The following TYMP variants were observed in gnomAD, a reference collection of about 807,000 sequenced individuals.
TYMP encodes thymidine phosphorylase.
TYMP carries 46 observed loss-of-function variants against 42.3 expected under a neutral mutation model. The observed-to-expected ratio is 1.09, with a 90% CI of 0.86 to 1.39. The LOEUF (loss-of-function observed/expected upper bound fraction) is 1.39, where lower values mean the gene tolerates loss of function less well. Among genes scored for constraint, TYMP ranks in the 40% most tolerant of loss-of-function variants. The pLI is 0.00. For missense variants in TYMP, 837 were observed against 677.6 expected, an observed-to-expected ratio of 1.24 and a Z score of -2.61; for synonymous variants, 363 against 308.0, an observed-to-expected ratio of 1.18 and a Z score of -1.87.
At chr22:50,527,111 G>A (rs1046427158) in intron 6 of TYMP, 54 bp downstream of exon 6, 4 of 1,421,080 alleles carry the variant, frequency 2.8e-6, no homozygotes, top group Non-Finnish European at 4.0e-6. Context: ...AGGGGTGAAG[G>A]GTAGGCTGGG....
rs1405480505 is a variant in TYMP, at chr22:50,528,556, G to C, written c.472C>G (p.Leu158Val). Residue 158 changes from leucine (L) to valine (V), a missense_variant, in exon 4 of 10, where the codon CTG becomes GTG. By Grantham distance (32) the Leu-to-Val change is conservative. Coordinates refer to ENST00000252029, the MANE Select transcript of TYMP (RefSeq NM_001953.5). Reference sequence around the variant, plus strand: ...ACATTGAATCCAGGAATAGACTCCAGCTTATCCAAGGTGCCTCCTGTGTGC... The same window carrying C: ...ACATTGAATCCAGGAATAGACTCCACCTTATCCAAGGTGCCTCCTGTGTGC... ...LGHTGGTLDK[L>V]ESIPGFNVIQ... The C allele has an allele frequency of 6.2e-7, 1 of 1,613,960 alleles. No individual in the cohort carries two copies. Among genetic ancestry groups the C allele is most frequent in the Non-Finnish European group, 8.5e-7 (1 of 1,179,994 alleles).
chr22:50,529,618 G>A lies in TYMP; in HGVS notation c.92C>T (p.Pro31Leu), dbSNP rs1455974755. Residue 31 changes from proline to leucine, a missense_variant, in exon 2 of 10, where the codon CCA becomes CTA. Pro to Leu is a moderately conservative substitution (Grantham distance 98, BLOSUM62 -3). Coordinates refer to ENST00000252029, the MANE Select transcript of TYMP (RefSeq NM_001953.5). ...CAGCTCCGGGAGCTGCTTGGGCTCT[G>A]GCGAAGGGTCGGGAAGTCCCTGGCT... ...EGSQGLPDPS[P>L]EPKQLPELIR... 1 of 1,612,786 alleles carries A rather than the reference G, an allele frequency of 6.2e-7. No individual in the cohort carries two copies. Among genetic ancestry groups the A allele is most frequent in the African/African-American group, 1.3e-5 (1 of 74,954 alleles).
rs1358566560 is a variant in TYMP at position 50,528,565 on chromosome 22, A to G, written c.463T>C (p.Leu155=). The G allele has an allele frequency of 5.6e-6, 9 of 1,613,914 alleles. No homozygotes were observed. Among genetic ancestry groups the G allele is most frequent in the Admixed American group, 1.7e-5 (1 of 60,016 alleles). The change falls in exon 4 of 10, where the codon TTG becomes CTG. Residue 155 remains leucine (L), a synonymous_variant. Coordinates refer to ENST00000252029, the MANE Select transcript of TYMP (RefSeq NM_001953.5). The stretch of plus-strand genomic sequence containing the variant: ...CCAGGAATAGACTCCAGCTTATCCA[A>G]GGTGCCTCCTGTGTGCCCCAGACCA... ...GRGLGHTGGT[L]DKLESIPGFN... is the part of the protein sequence containing the mutation.
In TYMP at chr22:50,526,811, C is replaced by G. The variant is rs569560091; in HGVS notation, c.766-73G>C. 5.4e-6 allele frequency: 8 copies of G among 1,470,708 alleles called. No homozygotes were observed. The East Asian group carries it at 2.0e-4, about 36-fold the overall frequency. The allele number at this position is 1,470,708 out of a possible 1,614,324, so 91.1% of individuals were successfully genotyped here. ...CAGCCGGTTCTTGGTCGAACTCCAG[C>G]CCCTGCTGCACCCTGGGTTGCCAGC... is the stretch of plus-strand genomic sequence containing the variant. On this transcript the variant is annotated intron_variant, in intron 6 of 9. Coordinates refer to ENST00000252029, the MANE Select transcript of TYMP (RefSeq NM_001953.5).
At position 50,526,684 on chromosome 22, in the gene TYMP, C is replaced by G; in HGVS notation, c.820G>C (p.Asp274His). Residue 274 changes from aspartate to histidine, a missense_variant, in exon 7 of 10, where the codon GAC becomes CAC. Coordinates refer to ENST00000252029, the MANE Select transcript of TYMP (RefSeq NM_001953.5). ...LRVAAALTAM[D>H]KPLGRCVGHA... ...CCCACGCAGCGACCCAGGGGCTTGTCCATGGCGGTCAGCGCTGCCGCGACC... is the reference window on the plus strand; with the variant it reads ...CCCACGCAGCGACCCAGGGGCTTGTGCATGGCGGTCAGCGCTGCCGCGACC... 1.3e-6 allele frequency: 2 copies of G among 1,547,002 alleles called. No homozygotes were observed. The highest frequency in any genetic ancestry group is 1.2e-5 in the South Asian group (1 of 84,466).
intron 2 of TYMP, 67 bp from the exon 3 acceptor site, chr22:50,529,405 G>A: frequency 6.2e-7 from 1 of 1,603,526 alleles, no homozygotes; most frequent in African/African-American, 1.3e-5. Context: ...GCCGGTGCTG[G>A]TAGTGGGGCA....
At position 50,526,097 on chromosome 22, in the gene TYMP, GCAGCACCAGCGC is replaced by G; in HGVS notation, c.1192_1203del (p.Ala398_Leu401del). The G allele has an allele frequency of 1.3e-6, 2 of 1,489,824 alleles. No homozygotes were observed. The highest frequency in any genetic ancestry group is 1.8e-6 in the Non-Finnish European group (2 of 1,127,898). 92.3% of individuals were successfully genotyped at this position (1,489,824 alleles called of 1,614,324 possible). The stretch of plus-strand genomic sequence containing the variant: ...CGGCTGCGCCCGGCCCCGAGCTCGT[GCAGCACCAGCGC>G]CAGCGGCAGCGCCCGGACCAGCTCC... On this transcript the variant is annotated inframe_deletion, in exon 9 of 10. Transcript: ENST00000252029.
In TYMP at chr22:50,526,158, TGA is replaced by T; in HGVS notation, c.1160-19_1160-18del. 6.8e-7 allele frequency: 1 copy of T among 1,475,624 alleles called. No individual in the cohort carries two copies. Among genetic ancestry groups the T allele is most frequent in the Non-Finnish European group, 8.9e-7 (1 of 1,118,764 alleles). 91.4% of individuals were successfully genotyped at this position (1,475,624 alleles called of 1,614,324 possible). Reference sequence around the variant, plus strand: ...CCACGGTGCCTGCGGGGAGAGGGGCTGAGAGGCGCGGGCTCGGGAAGGGGCGG... The same window carrying T: ...CCACGGTGCCTGCGGGGAGAGGGGCTGAGGCGCGGGCTCGGGAAGGGGCGG... On this transcript the variant is annotated intron_variant, in intron 8 of 9. Transcript: ENST00000252029.
rs2069335006 is a variant in TYMP at position 50,525,876 on chromosome 22, C to G, written c.1343G>C (p.Ser448Thr). The change falls in exon 10 of 10, where the codon AGC (serine) becomes ACC (threonine). Residue 448 changes from serine (S) to threonine (T), a missense_variant. Coordinates refer to ENST00000252029, the MANE Select transcript of TYMP (RefSeq NM_001953.5). ...LRVHRDGPAL[S>T]GPQSRALQEA... ...CTGCAGGGCGCGGCTCTGCGGGCCGCTGAGCGCGGGGCCGTCCCGGTGCAC... is the reference window on the plus strand; with the variant it reads ...CTGCAGGGCGCGGCTCTGCGGGCCGGTGAGCGCGGGGCCGTCCCGGTGCAC... 1.3e-6 allele frequency: 2 copies of G among 1,590,048 alleles called. No individual in the cohort carries two copies. Among genetic ancestry groups the G allele is most frequent in the African/African-American group, 2.7e-5 (2 of 73,830 alleles).
chr22:50,526,148 G>T lies in TYMP; in HGVS notation c.1160-7C>A. 6.7e-7 allele frequency: 1 copy of T among 1,481,756 alleles called. No homozygotes were observed. Among genetic ancestry groups the T allele is most frequent in the East Asian group, 2.8e-5 (1 of 35,744 alleles). 91.8% of individuals were successfully genotyped at this position (1,481,756 alleles called of 1,614,324 possible). On this transcript the variant is annotated splice_region_variant and splice_polypyrimidine_tract_variant and intron_variant, in intron 8 of 9. Transcript: ENST00000252029. ...CGGACCAGCTCCACGGTGCCTGCGG[G>T]GAGAGGGGCTGAGAGGCGCGGGCTC...
Position 50,528,498 on chromosome 22 carries a change from G to C in TYMP, c.516+14C>G, listed in dbSNP as rs780757016. 6.2e-6 allele frequency: 10 copies of C among 1,609,634 alleles called. No homozygotes were observed. Among genetic ancestry groups the C allele is most frequent in the Non-Finnish European group, 8.5e-6 (10 of 1,176,614 alleles). ...ATCAACCTGGATTAATGACTGATCCGTGGCGCCCCGTACCTGCTCTGGGCT... is the reference window on the plus strand; with the variant it reads ...ATCAACCTGGATTAATGACTGATCCCTGGCGCCCCGTACCTGCTCTGGGCT... On this transcript the variant is annotated intron_variant, in intron 4 of 9. Transcript: ENST00000252029.
At position 50,526,682 on chromosome 22, in the gene TYMP, G is replaced by T; in HGVS notation, c.822C>A (p.Asp274Glu). The change falls in exon 7 of 10, where the codon GAC (aspartate) becomes GAA (glutamate). Residue 274 changes from aspartate to glutamate, a missense_variant. Coordinates refer to ENST00000252029, the MANE Select transcript of TYMP (RefSeq NM_001953.5). ...LRVAAALTAM[D>E]KPLGRCVGHA... ...GGCCCACGCAGCGACCCAGGGGCTTGTCCATGGCGGTCAGCGCTGCCGCGA... is the reference window on the plus strand; with the variant it reads ...GGCCCACGCAGCGACCCAGGGGCTTTTCCATGGCGGTCAGCGCTGCCGCGA... 6.5e-7 allele frequency: 1 copy of T among 1,546,950 alleles called. No homozygotes were observed. The highest frequency in any genetic ancestry group is 8.7e-7 in the Non-Finnish European group (1 of 1,149,650).
Position 50,529,635 on chromosome 22 carries a change from T to C in TYMP, c.75A>G (p.Gly25=). The C allele has an allele frequency of 6.2e-7, 1 of 1,612,528 alleles. No homozygotes were observed. Among genetic ancestry groups the C allele is most frequent in the Non-Finnish European group, 8.5e-7 (1 of 1,179,734 alleles). ...PGDFSGEGSQ[G]LPDPSPEPKQ... ...TGGGCTCTGGCGAAGGGTCGGGAAG[T>C]CCCTGGCTCCCTTCCCCGGAGAAGT... The change falls in exon 2 of 10, where the codon GGA becomes GGG. Residue 25 remains glycine (G), a synonymous_variant. Coordinates refer to ENST00000252029, the MANE Select transcript of TYMP (RefSeq NM_001953.5).
chr22:50,528,970 C>G, intron 3 of TYMP, 166 bp downstream of exon 3: 1 of 779,560 alleles, frequency 1.3e-6, no homozygotes, highest in Non-Finnish European at 2.1e-6. Context: ...AAGCGCTGTG[C>G]TGGGGAACGG....
chr22:50,529,982 A>G lies in TYMP; in HGVS notation c.-89T>C. 4.0e-6 allele frequency: 2 copies of G among 502,490 alleles called. No homozygotes were observed. Among genetic ancestry groups the G allele is most frequent in the South Asian group, 2.7e-5 (1 of 37,236 alleles). The allele number at this position is 502,490 out of a possible 1,614,324, so 31.1% of individuals were successfully genotyped here. On this transcript the variant is annotated 5_prime_UTR_variant, in exon 1 of 10. Coordinates refer to ENST00000252029, the MANE Select transcript of TYMP (RefSeq NM_001953.5). ...GGCCTCGCCCGCGGGTCGGGACCGT[A>G]GGGTTCAGGGTTCGCGCACAGCGGT... is the stretch of plus-strand genomic sequence containing the variant.
intron 6 of TYMP, 104 bp from the exon 7 acceptor site, chr22:50,526,842 A>G: frequency 8.1e-7 from 1 of 1,237,408 alleles, no homozygotes; most frequent in South Asian, 1.4e-5. Flanking sequence ...CCAGCCCCCC[A>G]GCATGAAGTC....
intron 3 of TYMP, 46 bp downstream of exon 3, chr22:50,529,090 G>C (rs1280223684): frequency 1.9e-6 from 3 of 1,594,396 alleles, no homozygotes; most frequent in Non-Finnish European, 2.6e-6. Context: ...ACTGGTTGCT[G>C]CATGTGCGGT....
intron 6 of TYMP, 107 bp downstream of exon 6, chr22:50,527,058 G>C: frequency 1.1e-6 from 1 of 926,518 alleles, no homozygotes; most frequent in Admixed American, 1.7e-5. Flanking sequence ...GTGGGACTGG[G>C]GTTAGGCAGG....
intron 3 of TYMP, 145 bp from the exon 4 acceptor site, chr22:50,528,755 A>G (rs924012872): frequency 1.4e-6 from 1 of 715,230 alleles, no homozygotes; most frequent in African/African-American, 1.7e-5. Flanking sequence ...GGGAATGGAA[A>G]GGAAGTTTTC....
Sources: gnomAD v4.1 joint callset for allele counts on GRCh38, gnomAD v4.1.1 for gene constraint, MANE v1.5 for transcripts, NCBI Gene and HGNC (gene_info 2026-07-23, HGNC 2026-07-21) for gene names.